SHC3: variants seen among roughly 807,000 people sequenced by gnomAD.
SHC3 encodes SHC adaptor protein 3.
Under a neutral mutation model 60.4 loss-of-function variants are expected in SHC3, and 15 were observed. The ratio of observed to expected loss-of-function variants is 0.25; its 90% CI spans 0.17 to 0.38. SHC3 has a LOEUF of 0.38. Among genes scored for constraint, SHC3 ranks in the 10% least tolerant of loss-of-function variants. The probability of loss-of-function intolerance (pLI) is 1.00; values close to 1 mark genes in which losing one functional copy is unlikely to be tolerated. For synonymous variants in SHC3, 294 were observed against 325.9 expected, an observed-to-expected ratio of 0.90 and a Z score of 1.05; for missense variants, 677 against 786.1, an observed-to-expected ratio of 0.86 and a Z score of 1.66.
intron 5 of SHC3, among the ~76,000 whole-genome samples, chr9:89,070,408 T>C (rs1434484932): frequency 2.0e-5 from 3 of 152,192 alleles, no homozygotes; most frequent in Non-Finnish European, 4.4e-5. Flanking sequence ...GTGACCAATT[T>C]CCTGCCTGGT....
chr9:89,083,993 C>A (rs1353082007), intron 2 of SHC3, among the ~76,000 whole-genome samples: 2 of 152,198 alleles, frequency 1.3e-5, no homozygotes, highest in Non-Finnish European at 2.9e-5. Flanking sequence ...AGCTCCAGCA[C>A]ACTAAGCATC....
intron 11 of SHC3, among the ~76,000 whole-genome samples, chr9:89,035,978 A>C (rs936144149): frequency 1.3e-5 from 2 of 151,662 alleles, no homozygotes; most frequent in Non-Finnish European, 2.9e-5. Flanking sequence ...AAAGCTAACA[A>C]AAGAAAATAT....
At chr9:89,090,626 C>A (rs962534646) in intron 2 of SHC3, among the ~76,000 whole-genome samples, 1 of 152,058 alleles carries the variant, frequency 6.6e-6, no homozygotes, top group Non-Finnish European at 1.5e-5. Flanking sequence ...GCTGAGCACA[C>A]AGAAATGATG....
At chr9:89,033,526 T>G (rs1824524531) in intron 11 of SHC3, among the ~76,000 whole-genome samples, 1 of 152,176 alleles carries the variant, frequency 6.6e-6, no homozygotes, top group African/African-American at 2.4e-5. Context: ...CATGCAACCC[T>G]CAGCACCCCA....
At chr9:89,108,240 C>T (rs1041142544) in intron 2 of SHC3, among the ~76,000 whole-genome samples, 12 of 152,000 alleles carry the variant, frequency 7.9e-5, no homozygotes, top group East Asian at 1.9e-4. Context: ...TGGCCAGACA[C>T]GGTGGCTCAT....
At chr9:89,034,225 C>CAG (rs1447191342) in intron 11 of SHC3, among the ~76,000 whole-genome samples, 1 of 152,174 alleles carries the variant, frequency 6.6e-6, no homozygotes, top group African/African-American at 2.4e-5. Context: ...TGTGTAAGTT[C>CAG]CATGAGAGCA....
At chr9:89,167,317 T>C (rs564012410) in intron 1 of SHC3, among the ~76,000 whole-genome samples, 16 of 152,228 alleles carry the variant, frequency 1.1e-4, no homozygotes, top group Non-Finnish European at 2.4e-4. Context: ...GTTCTCTAGA[T>C]AGTGCAGCCA....
At chr9:89,127,602 G>A (rs1267892313) in intron 1 of SHC3, among the ~76,000 whole-genome samples, 1 of 152,128 alleles carries the variant, frequency 6.6e-6, no homozygotes, top group African/African-American at 2.4e-5. Context: ...TTTGACTTTG[G>A]AGGGTGTCAG....
chr9:89,120,928 A>G (rs1826083817), intron 1 of SHC3, among the ~76,000 whole-genome samples: 1 of 151,854 alleles, frequency 6.6e-6, no homozygotes, highest in African/African-American at 2.4e-5. Context: ...ATTATTTAAA[A>G]GAAATTTATT....
intron 11 of SHC3, among the ~76,000 whole-genome samples, chr9:89,027,145 T>A (rs545397708): frequency 2.2e-4 from 34 of 152,098 alleles, no homozygotes; most frequent in Non-Finnish European, 4.6e-4. Flanking sequence ...CAGCTCTGAG[T>A]TCCCCTGGGG....
intron 1 of SHC3, among the ~76,000 whole-genome samples, chr9:89,158,268 T>C (rs910906417): frequency 6.6e-6 from 1 of 152,132 alleles, no homozygotes; most frequent in African/African-American, 2.4e-5. Flanking sequence ...TCATTAAGTA[T>C]TTGCAGCCAT....
chr9:89,071,157 A>G, intron 5 of SHC3, 42 bp downstream of exon 5: 1 of 1,600,396 alleles, frequency 6.2e-7, no homozygotes, highest in Non-Finnish European at 8.6e-7. Flanking sequence ...CCTTCTCAGA[A>G]ATTCCCAACA....
At chr9:89,125,818 C>T (rs1355793257) in intron 1 of SHC3, among the ~76,000 whole-genome samples, 1 of 152,142 alleles carries the variant, frequency 6.6e-6, no homozygotes, top group East Asian at 1.9e-4. Flanking sequence ...GAATTGCCCA[C>T]CGCCTTCCCA....
Position 89,037,587 on chromosome 9 carries a change from C to T in SHC3, c.1656+406G>A, listed in dbSNP as rs1204038903. On this transcript the variant is annotated intron_variant, in intron 11 of 11. Transcript: ENST00000375835. The stretch of plus-strand genomic sequence containing the variant: ...TTCATTTACTGATCATCACATTTTA[C>T]AGCCTTAGAACAAAATCCTCAGTGA... The T allele has an allele frequency of 1.3e-5, 9 of 709,800 alleles. No individual in the cohort carries two copies. The East Asian group carries it at 1.9e-4, about 15-fold the overall frequency. The allele number at this position is 709,800 out of a possible 1,614,324, so 44.0% of individuals were successfully genotyped here. A position where few individuals can be genotyped will look rare whatever the true frequency, so the allele number is the denominator to read the frequency against.
intron 11 of SHC3, among the ~76,000 whole-genome samples, chr9:89,036,815 C>A (rs1824586129): frequency 1.3e-5 from 2 of 152,124 alleles, no homozygotes; most frequent in Admixed American, 1.3e-4. Context: ...CAGTTCAGGG[C>A]AGCCTTGACC....
In SHC3 at chr9:89,007,182, C is replaced by G. The variant is rs1056590230; in HGVS notation, c.*6265G>C. 1 of 152,234 alleles carries G rather than the reference C, an allele frequency of 6.6e-6. No individual in the cohort carries two copies. Among genetic ancestry groups the G allele is most frequent in the Non-Finnish European group, 1.5e-5 (1 of 68,058 alleles). The allele number at this position is 152,234 out of a possible 1,614,324, so 9.4% of individuals were successfully genotyped here. On this transcript the variant is annotated 3_prime_UTR_variant, in exon 12 of 12. Transcript: ENST00000375835. ...GAAAGAAGGGAGGCTGGGATCACCT[C>G]CCGCCCCTTCTAGCATCTCTACTGA...
chr9:89,101,892 G>C (rs1825788844), intron 2 of SHC3, among the ~76,000 whole-genome samples: 1 of 152,072 alleles, frequency 6.6e-6, no homozygotes, highest in South Asian at 2.1e-4. Context: ...AAAGATTGTG[G>C]AGAATTGATG....
At chr9:89,072,134 C>A (rs1451899998) in intron 4 of SHC3, among the ~76,000 whole-genome samples, 2 of 152,114 alleles carry the variant, frequency 1.3e-5, no homozygotes, top group African/African-American at 4.8e-5. Context: ...AGTCTGTGTG[C>A]CCACAGCTCT....
chr9:89,098,035 T>C (rs1192593731), intron 2 of SHC3, among the ~76,000 whole-genome samples: 2 of 152,216 alleles, frequency 1.3e-5, no homozygotes, highest in Admixed American at 1.3e-4. Context: ...AGTGACATCA[T>C]GTACCTCCAT....
Sources: gnomAD v4.1 joint callset for allele counts (sites outside exome capture counted in the v4.1 genomes callset) on GRCh38, gnomAD v4.1.1 for gene constraint, MANE v1.5 for transcripts, NCBI Gene and HGNC (gene_info 2026-07-23, HGNC 2026-07-21) for gene names.